LARP1B: variants seen among roughly 807,000 people sequenced by gnomAD.
LARP1B encodes La ribonucleoprotein 1B.
Under a neutral mutation model 114.2 loss-of-function variants are expected in LARP1B, and 76 were observed. The observed-to-expected ratio is 0.67, with a 90% CI of 0.55 to 0.81. LARP1B has a LOEUF of 0.81. Among genes scored for constraint, LARP1B ranks in the 30% least tolerant of loss-of-function variants. LARP1B has a pLI of 0.00. For synonymous variants in LARP1B, 345 were observed against 348.0 expected (o/e 0.99, Z 0.10); for missense variants, 1,014 against 1,075.8 (o/e 0.94, Z 0.80).
At chr4:128,075,205 G>A (rs953816474) in intron 3 of LARP1B, among the ~76,000 whole-genome samples, 1 of 151,946 alleles carries the variant, frequency 6.6e-6, no homozygotes, top group African/African-American at 2.4e-5. Context: ...AGGCTCAGGT[G>A]ATCTTCCTAC....
chr4:128,155,455 AG>A (rs999624804), intron 11 of LARP1B: 1 of 743,108 alleles, frequency 1.3e-6, no homozygotes, highest in African/African-American at 1.7e-5. Flanking sequence ...GACCCCGCGC[AG>A]CCCCCCGGCC....
At chr4:128,113,760 G>C (rs1024927116) in intron 9 of LARP1B, among the ~76,000 whole-genome samples, 3 of 147,972 alleles carry the variant, frequency 2.0e-5, no homozygotes, top group Non-Finnish European at 4.5e-5. Flanking sequence ...GGCTGTGTGC[G>C]TTAGTGATGT....
At chr4:128,217,955 AC>A (rs1468735329) in intron 6 of LARP1B, among the ~76,000 whole-genome samples, 4 of 121,390 alleles carry the variant, frequency 3.3e-5, no homozygotes, top group African/African-American at 9.5e-5. Flanking sequence ...GTCTCAGGAT[AC>A]AAAATCAATG....
At chr4:128,062,214 AG>A in intron 1 of LARP1B, 1 of 985,390 alleles carries the variant, frequency 1.0e-6, no homozygotes, top group Non-Finnish European at 1.2e-6. Context: ...GAAACCCTGG[AG>A]GCAGGTCTGT....
At chr4:128,083,249 TC>T (rs1771354011) in intron 5 of LARP1B, among the ~76,000 whole-genome samples, 1 of 152,164 alleles carries the variant, frequency 6.6e-6, no homozygotes, top group Non-Finnish European at 1.5e-5. Context: ...ATCCGATTTC[TC>T]AATCTTTTCC....
chr4:128,093,774 G>C (rs1215738979), intron 7 of LARP1B, among the ~76,000 whole-genome samples: 1 of 142,822 alleles, frequency 7.0e-6, no homozygotes. Flanking sequence ...GCAATGGCAC[G>C]ATCTCGGCTC....
intron 15 of LARP1B, among the ~76,000 whole-genome samples, chr4:128,185,805 A>AT (rs1388593211): frequency 1.3e-5 from 2 of 151,994 alleles, no homozygotes; most frequent in African/African-American, 4.8e-5. Flanking sequence ...TCTTCTAGTA[A>AT]TTTCATAGCT....
intron 10 of LARP1B, 100 bp downstream of exon 10, chr4:128,114,842 GT>G: frequency 9.6e-7 from 1 of 1,040,456 alleles, no homozygotes; most frequent in Non-Finnish European, 1.4e-6. Context: ...ATTTGGAAAA[GT>G]TTAGCACAAT....
intron 9 of LARP1B, among the ~76,000 whole-genome samples, chr4:128,111,595 C>T (rs183168341): frequency 2.2e-3 from 331 of 152,184 alleles, no homozygotes; most frequent in Non-Finnish European, 3.7e-3. Flanking sequence ...ACTAGTTATT[C>T]AGCAGGCTGA....
chr4:128,167,663 T>G (rs1159111263), intron 12 of LARP1B, among the ~76,000 whole-genome samples: 2 of 152,022 alleles, frequency 1.3e-5, no homozygotes, highest in Non-Finnish European at 2.9e-5. Flanking sequence ...ATTCAGTAAG[T>G]TTCACACCAT....
chr4:128,090,354 T>C (rs1246743919), intron 5 of LARP1B, among the ~76,000 whole-genome samples: 1 of 152,232 alleles, frequency 6.6e-6, no homozygotes, highest in East Asian at 1.9e-4. Flanking sequence ...ATTGCCGGCC[T>C]GAGCCACCGC....
intron 11 of LARP1B, among the ~76,000 whole-genome samples, chr4:128,158,857 T>C (rs954808806): frequency 3.3e-5 from 5 of 152,086 alleles, no homozygotes; most frequent in Admixed American, 2.6e-4. Context: ...TATATATAAC[T>C]ATATATACAT....
At chr4:128,176,151 ATATATATAAATATATATAT>A (rs1466249918) in intron 12 of LARP1B, among the ~76,000 whole-genome samples, 9 of 130,474 alleles carry the variant, frequency 6.9e-5, no homozygotes, top group East Asian at 2.1e-4. Context: ...TATTTATATT[ATATATATAAATATATATAT>A]TATATATAAA....
intron 10 of LARP1B, among the ~76,000 whole-genome samples, chr4:128,120,964 C>G (rs913482370): frequency 5.9e-5 from 9 of 151,482 alleles, no homozygotes; most frequent in African/African-American, 1.9e-4. Context: ...GTGCGTGCCA[C>G]CACGCCTGGC....
intron 15 of LARP1B, among the ~76,000 whole-genome samples, chr4:128,186,796 A>G (rs757771010): frequency 2.6e-4 from 39 of 152,236 alleles, no homozygotes; most frequent in Admixed American, 6.5e-4. Context: ...CCGCAGGACC[A>G]GAGGCCTAGG....
At chr4:128,179,350 C>T in intron 14 of LARP1B, 56 bp from the exon 15 acceptor site, 1 of 1,064,416 alleles carries the variant, frequency 9.4e-7, no homozygotes, top group Non-Finnish European at 1.4e-6. Flanking sequence ...TTTTAATTTA[C>T]TTGTGAAGTT....
chr4:128,168,724 A>C (rs1353953621), intron 12 of LARP1B, among the ~76,000 whole-genome samples: 2 of 151,456 alleles, frequency 1.3e-5, no homozygotes, highest in Admixed American at 1.3e-4. Context: ...CAGGTTGCTT[A>C]CATATTTTTT....
chr4:128,100,459 G>C (rs1249442194), intron 8 of LARP1B, among the ~76,000 whole-genome samples: 1 of 150,350 alleles, frequency 6.7e-6, no homozygotes, highest in Non-Finnish European at 1.5e-5. Context: ...TTTTAGTAGG[G>C]ATGGGGGTTT....
rs193017164 is a variant in LARP1B, at chr4:128,087,907, T to C, written c.359-3094T>C. ...CTTGTCTATAGAAAAATTGACTTTT[T>C]TTCTATTGTTTTTCAAAATGTCATT... On this transcript the variant is annotated intron_variant, in intron 5 of 19. Coordinates refer to ENST00000326639, the MANE Select transcript of LARP1B (RefSeq NM_018078.4). 2.7e-3 allele frequency among the ~76,000 whole-genome samples: 413 copies of C among 152,244 alleles called. 3 individuals are homozygous for C. Among genetic ancestry groups the C allele is most frequent in the African/African-American group, 9.7e-3 (402 of 41,540 alleles).
Sources: allele counts gnomAD v4.1 joint callset (sites outside exome capture counted in the v4.1 genomes callset), GRCh38; gene constraint gnomAD v4.1.1; transcripts MANE v1.5; gene names NCBI Gene and HGNC (gene_info 2026-07-23, HGNC 2026-07-21).